CD4: variants seen among roughly 807,000 people sequenced by gnomAD.
CD4 encodes T-cell surface glycoprotein CD4.
Under a neutral mutation model 50.5 loss-of-function variants are expected in CD4, and 25 were observed. The ratio of observed to expected loss-of-function variants is 0.49; its 90% CI spans 0.36 to 0.69. The LOEUF is 0.69. Ranked by LOEUF, CD4 falls within the 30% of genes least tolerant of loss-of-function variation. The pLI, the probability that CD4 is intolerant of heterozygous loss-of-function variation, is 0.00. For missense variants in CD4, 456 were observed against 548.5 expected (o/e 0.83, Z 1.68); for synonymous variants, 207 against 221.9 (o/e 0.93, Z 0.60).
chr12:6,803,827 A>G (rs1942640113), intron 3 of CD4, among the ~76,000 whole-genome samples: 1 of 144,322 alleles, frequency 6.9e-6, no homozygotes, highest in African/African-American at 2.6e-5. Flanking sequence ...ATAAGTAAAT[A>G]AAGGTCAGGA....
At chr12:6,817,467 G>A in intron 7 of CD4, 137 bp downstream of exon 7, 1 of 718,656 alleles carries the variant, frequency 1.4e-6, no homozygotes. Context: ...TGGTCCCAGG[G>A]TGCTTTGGAG....
intron 1 of CD4, among the ~76,000 whole-genome samples, chr12:6,794,136 G>A (rs1325977794): frequency 1.3e-5 from 2 of 150,682 alleles, no homozygotes; most frequent in Non-Finnish European, 2.9e-5. Flanking sequence ...GCAGTGGCAC[G>A]ATCTCGGCTC....
At chr12:6,790,275 A>G (rs1942117972) in intron 1 of CD4, among the ~76,000 whole-genome samples, 1 of 152,208 alleles carries the variant, frequency 6.6e-6, no homozygotes, top group African/African-American at 2.4e-5. Context: ...CATAAGTCGC[A>G]TGATCTATGT....
At chr12:6,795,722 G>A (rs1942356423) in intron 1 of CD4, among the ~76,000 whole-genome samples, 1 of 152,280 alleles carries the variant, frequency 6.6e-6, no homozygotes, top group African/African-American at 2.4e-5. Flanking sequence ...GGCTGCAGGT[G>A]AGGATGAACA....
In CD4 at chr12:6,818,388, G is replaced by C. The variant is rs782805978; in HGVS notation, c.1157-33G>C. The C allele has an allele frequency of 1.2e-6, 2 of 1,609,966 alleles. No homozygotes were observed. The highest frequency in any genetic ancestry group is 2.2e-5 in the South Asian group (2 of 91,058). ...TCAGTCCCCTGGCCCGTGGAGGAGG[G>C]CGGTGCATTGAGCACATTTCTCTCC... On this transcript the variant is annotated intron_variant, in intron 7 of 9. Coordinates refer to ENST00000011653, the MANE Select transcript of CD4 (RefSeq NM_000616.5). The surrounding 1 kb of genome is among the most constrained non-coding windows in gnomAD (Gnocchi z 5.0).
intron 1 of CD4, among the ~76,000 whole-genome samples, chr12:6,797,156 G>C (rs1207208613): frequency 6.6e-6 from 1 of 152,148 alleles, no homozygotes; most frequent in African/African-American, 2.4e-5. Context: ...TGTTGCCGCT[G>C]CTACTGATCC....
In CD4 at chr12:6,798,034, T is replaced by TG. The variant is rs746645024; in HGVS notation, c.-67-2032dup. Among the ~76,000 whole-genome samples the TG allele has an allele frequency of 1.3e-4, 20 of 151,994 alleles. No individual in the cohort carries two copies. In the East Asian group the frequency reaches 2.7e-3, roughly 21 times the overall value. ...GAGGCCATATCTCAGGCTGTCTCAGTGGGGGGAAACCTGGACAATACCTAG... is the reference window on the plus strand; with the variant it reads ...GAGGCCATATCTCAGGCTGTCTCAGTGGGGGGGAAACCTGGACAATACCTAG... On this transcript the variant is annotated intron_variant, in intron 1 of 9. Coordinates refer to ENST00000011653, the MANE Select transcript of CD4 (RefSeq NM_000616.5).
At chr12:6,807,807 G>T (rs1443213063) in intron 3 of CD4, among the ~76,000 whole-genome samples, 4 of 152,162 alleles carry the variant, frequency 2.6e-5, no homozygotes, top group African/African-American at 9.7e-5. Context: ...AATGCTAGGC[G>T]TGGTGGCTCA....
Position 6,818,306 on chromosome 12 carries a change from C to CA in CD4, c.1157-115_1157-114insA. On this transcript the variant is annotated intron_variant, in intron 7 of 9. Coordinates refer to ENST00000011653, the MANE Select transcript of CD4 (RefSeq NM_000616.5). The surrounding 1 kb of genome is among the most constrained non-coding windows in gnomAD (Gnocchi z 5.0). ...GAGAGCCCCCAGGCACCCCTCCCCT[C>CA]TCCCCCAACCCCAGGGTCAAACCAG... is the stretch of plus-strand genomic sequence containing the variant. 2 of 1,383,196 alleles carry CA rather than the reference C, an allele frequency of 1.4e-6. No homozygotes were observed. Among genetic ancestry groups the CA allele is most frequent in the Non-Finnish European group, 2.0e-6 (2 of 1,009,334 alleles). The allele number at this position is 1,383,196 out of a possible 1,614,324, so 85.7% of individuals were successfully genotyped here. A position where few individuals can be genotyped will look rare whatever the true frequency, so the allele number is the denominator to read the frequency against.
Position 6,816,007 on chromosome 12 carries a change from C to G in CD4, c.608-49C>G, listed in dbSNP as rs782738581. The G allele has an allele frequency of 6.8e-6, 11 of 1,610,876 alleles. No homozygotes were observed. Among genetic ancestry groups the G allele is most frequent in the Non-Finnish European group, 9.3e-6 (11 of 1,178,848 alleles). Reference sequence around the variant, plus strand: ...CCACATGCCAACCCCACTCGTGCACCCTCATCTTCCTATCTCCTCACCCAG... The same window carrying G: ...CCACATGCCAACCCCACTCGTGCACGCTCATCTTCCTATCTCCTCACCCAG... On this transcript the variant is annotated intron_variant, in intron 5 of 9. Transcript: ENST00000011653. This position sits in a 1 kb window ranked among gnomAD's most constrained non-coding sequence, Gnocchi z 4.9.
chr12:6,814,123 A>T lies in CD4; in HGVS notation c.215-19A>T. On this transcript the variant is annotated intron_variant, in intron 3 of 9. Coordinates refer to ENST00000011653, the MANE Select transcript of CD4 (RefSeq NM_000616.5). ...CTCCAGGGCGCCTCAGTCCCCCCCC[A>T]TATGTCTTCTGCTCCCAGGTCCATC... The T allele has an allele frequency of 6.2e-7, 1 of 1,610,962 alleles. No homozygotes were observed.
chr12:6,816,451 G>A lies in CD4; in HGVS notation c.955+48G>A. ...GGTGGGCAGGGGAAGGAGTTGGAGGGGCCTGGCCCAGGGCTCCCTCTGAGG... is the reference window on the plus strand; with the variant it reads ...GGTGGGCAGGGGAAGGAGTTGGAGGAGCCTGGCCCAGGGCTCCCTCTGAGG... On this transcript the variant is annotated intron_variant, in intron 6 of 9. Transcript: ENST00000011653. The surrounding 1 kb of genome is among the most constrained non-coding windows in gnomAD (Gnocchi z 4.9). 1 of 1,479,132 alleles carries A rather than the reference G, an allele frequency of 6.8e-7. No individual in the cohort carries two copies. The highest frequency in any genetic ancestry group is 9.2e-7 in the Non-Finnish European group (1 of 1,088,772). 91.6% of individuals were successfully genotyped at this position (1,479,132 alleles called of 1,614,324 possible).
intron 3 of CD4, among the ~76,000 whole-genome samples, chr12:6,810,270 C>A (rs1403698744): frequency 6.6e-6 from 1 of 152,206 alleles, no homozygotes. Context: ...ATGCTTAGAC[C>A]TTTCATATTA....
chr12:6,817,150 T>C lies in CD4; in HGVS notation c.976T>C (p.Leu326=). ...VMRATQLQKN[L]TCEVWGPTSP... The stretch of plus-strand genomic sequence containing the variant: ...TGCAGCCACTCAGCTCCAGAAAAAT[T>C]TGACCTGTGAGGTGTGGGGACCCAC... Residue 326 remains leucine (L), a synonymous_variant, in exon 7 of 10, where the codon TTG becomes CTG. Transcript: ENST00000011653. The C allele has an allele frequency of 1.2e-6, 2 of 1,613,924 alleles. No homozygotes were observed. The highest frequency in any genetic ancestry group is 2.7e-5 in the African/African-American group (2 of 75,046).
chr12:6,799,494 G>T (rs1474814313), intron 1 of CD4: 1 of 152,580 alleles, frequency 6.6e-6, no homozygotes, highest in Non-Finnish European at 1.5e-5. Context: ...GGGTCATTTT[G>T]AGGATATCTT....
At chr12:6,817,483 A>C (rs1943111510) in intron 7 of CD4, among the ~76,000 whole-genome samples, 153 bp downstream of exon 7, 1 of 152,020 alleles carries the variant, frequency 6.6e-6, no homozygotes, top group Admixed American at 6.6e-5. Flanking sequence ...TGGAGGCCCC[A>C]AAAGGAGGCA....
chr12:6,802,746 C>CT (rs1461920451), intron 3 of CD4, among the ~76,000 whole-genome samples: 2 of 151,296 alleles, frequency 1.3e-5, no homozygotes, highest in Non-Finnish European at 3.0e-5. Flanking sequence ...GACTTTTTTT[C>CT]TTTTTTTTGA....
intron 3 of CD4, among the ~76,000 whole-genome samples, chr12:6,805,058 C>T (rs1411279681): frequency 7.4e-6 from 1 of 135,654 alleles, no homozygotes; most frequent in African/African-American, 2.8e-5. Flanking sequence ...ATGGTGTATG[C>T]CTGTAGTCCC....
At position 6,792,977 on chromosome 12, in the gene CD4, AAG is replaced by A. The variant is rs948388377; in HGVS notation, c.-68+3327_-68+3328del. 3.3e-5 allele frequency among the ~76,000 whole-genome samples: 5 copies of A among 151,636 alleles called. No homozygotes were observed. The highest frequency in any genetic ancestry group is 1.9e-4 in the East Asian group (1 of 5,176). On this transcript the variant is annotated intron_variant, in intron 1 of 9. Transcript: ENST00000011653. This position sits in a 1 kb window ranked among gnomAD's most constrained non-coding sequence, Gnocchi z 4.1. ...GCAAGGAGGGAGAGAGAGAGACAGAAAGAGAGAGAGAGACGTGCCAGGGCTTG... is the reference window on the plus strand; with the variant it reads ...GCAAGGAGGGAGAGAGAGAGACAGAAAGAGAGAGAGACGTGCCAGGGCTTG...
Sources: gnomAD v4.1 joint callset for allele counts (sites outside exome capture counted in the v4.1 genomes callset) on GRCh38, gnomAD v4.1.1 for gene constraint, Gnocchi (gnomAD v3.1) non-coding constraint, MANE v1.5 for transcripts, NCBI Gene and HGNC (gene_info 2026-07-23, HGNC 2026-07-21) for gene names.